The following GALNT17 variants were observed in gnomAD, a reference collection of about 807,000 sequenced individuals.
GALNT17 encodes the protein UDP-GalNAc:polypeptide N-acetylgalactosaminyltransferase-like 3.
GALNT17 carries 29 observed loss-of-function variants against 63.7 expected under a neutral mutation model. That is an observed-to-expected ratio of 0.46 (90% CI 0.34 to 0.62). GALNT17 has a LOEUF of 0.62. GALNT17 is among the 20% of genes least tolerant of loss of function. The pLI is 0.01. For synonymous variants in GALNT17, 305 were observed against 318.3 expected (o/e 0.96, Z 0.45); for missense variants, 603 against 799.6 (o/e 0.75, Z 2.97).
Position 71,712,543 on chromosome 7 carries a change from A to G in GALNT17, c.*397A>G, listed in dbSNP as rs1437153902. 1 of 164,918 alleles carries G rather than the reference A, an allele frequency of 6.1e-6. No homozygotes were observed. The highest frequency in any genetic ancestry group is 1.3e-5 in the Non-Finnish European group (1 of 76,898). 10.2% of individuals were successfully genotyped at this position (164,918 alleles called of 1,614,324 possible). A position where few individuals can be genotyped will look rare whatever the true frequency, so the allele number is the denominator to read the frequency against. On this transcript the variant is annotated 3_prime_UTR_variant, in exon 11 of 11. Coordinates refer to ENST00000333538, the MANE Select transcript of GALNT17 (RefSeq NM_022479.3). ...CAGCAGCAGCTGCTGAACTCCAGCC[A>G]TCAACACGGTGGGAGGCAGCGGGGG... is the stretch of plus-strand genomic sequence containing the variant.
At chr7:71,165,465 CAA>C (rs914689537) in intron 1 of GALNT17, among the ~76,000 whole-genome samples, 18 of 113,634 alleles carry the variant, frequency 1.6e-4, no homozygotes, top group Admixed American at 9.4e-4. Context: ...TGGCGACAGA[CAA>C]GAGAAGAGAG....
chr7:71,662,553 C>T (rs1313850506), intron 6 of GALNT17, among the ~76,000 whole-genome samples: 1 of 152,122 alleles, frequency 6.6e-6, no homozygotes, highest in Admixed American at 6.6e-5. Context: ...TACCTTCCTC[C>T]AGCCCCCTGC....
At chr7:71,137,743 C>G (rs933244196) in intron 1 of GALNT17, among the ~76,000 whole-genome samples, 4 of 152,148 alleles carry the variant, frequency 2.6e-5, no homozygotes, top group African/African-American at 4.8e-5. Context: ...CTTCGAGGCC[C>G]TCGGAAGTGA....
At chr7:71,438,529 A>G (rs1787008226) in intron 5 of GALNT17, among the ~76,000 whole-genome samples, 1 of 152,228 alleles carries the variant, frequency 6.6e-6, no homozygotes, top group Admixed American at 6.5e-5. Context: ...AGTATTAATC[A>G]TCACAGATGC....
At chr7:71,562,304 C>G (rs749350462) in intron 5 of GALNT17, among the ~76,000 whole-genome samples, 17 of 152,290 alleles carry the variant, frequency 1.1e-4, no homozygotes, top group African/African-American at 4.1e-4. Context: ...CTCTCCACCA[C>G]TGGAGCCTGC....
At chr7:71,552,573 T>C (rs950334761) in intron 5 of GALNT17, among the ~76,000 whole-genome samples, 1 of 151,682 alleles carries the variant, frequency 6.6e-6, no homozygotes, top group Admixed American at 6.6e-5. Flanking sequence ...CCCTCGTAGC[T>C]AGGACTACAG....
chr7:71,348,835 C>G (rs1486604609), intron 2 of GALNT17, among the ~76,000 whole-genome samples: 1 of 152,146 alleles, frequency 6.6e-6, no homozygotes, highest in Non-Finnish European at 1.5e-5. Context: ...ACTTAAACAA[C>G]CTTTGTGTTT....
chr7:71,589,054 G>C (rs1012870617), intron 6 of GALNT17, among the ~76,000 whole-genome samples: 1 of 152,142 alleles, frequency 6.6e-6, no homozygotes, highest in Non-Finnish European at 1.5e-5. Context: ...TGTTATTAGT[G>C]TGTGGAGGTA....
intron 5 of GALNT17, among the ~76,000 whole-genome samples, chr7:71,511,202 C>T (rs1788349674): frequency 6.6e-6 from 1 of 151,844 alleles, no homozygotes. Flanking sequence ...GAGAGATGGA[C>T]CCAGCTTAGC....
chr7:71,528,014 T>A (rs1788653479), intron 5 of GALNT17, among the ~76,000 whole-genome samples: 1 of 152,186 alleles, frequency 6.6e-6, no homozygotes, highest in African/African-American at 2.4e-5. Flanking sequence ...ACCCAAAGGG[T>A]CTTGGCAAGC....
At chr7:71,412,940 G>A (rs1583930272) in intron 3 of GALNT17, among the ~76,000 whole-genome samples, 1 of 152,188 alleles carries the variant, frequency 6.6e-6, no homozygotes, top group Non-Finnish European at 1.5e-5. Context: ...CTACTTGGGA[G>A]GCTGAGGCAG....
intron 6 of GALNT17, among the ~76,000 whole-genome samples, chr7:71,628,769 CATAAT>C (rs1285359805): frequency 6.6e-6 from 1 of 151,396 alleles, no homozygotes; most frequent in Non-Finnish European, 1.5e-5. Context: ...CGTCTCTACT[CATAAT>C]ATAAAAAATT....
intron 5 of GALNT17, among the ~76,000 whole-genome samples, chr7:71,466,367 A>G (rs911923092): frequency 1.3e-5 from 2 of 152,154 alleles, no homozygotes; most frequent in African/African-American, 4.8e-5. Context: ...AGATCATAAG[A>G]CTGACAAAAC....
intron 6 of GALNT17, among the ~76,000 whole-genome samples, chr7:71,625,040 C>T (rs533963727): frequency 1.1e-4 from 16 of 152,250 alleles, no homozygotes; most frequent in African/African-American, 3.9e-4. Context: ...CTGGTAGAGC[C>T]CTGAAAAGCT....
intron 6 of GALNT17, among the ~76,000 whole-genome samples, chr7:71,584,140 C>A (rs558928503): frequency 6.6e-6 from 1 of 151,964 alleles, no homozygotes. Context: ...TCAAAACAAA[C>A]AAACAAAAAA....
intron 5 of GALNT17, among the ~76,000 whole-genome samples, chr7:71,527,816 TACACACACAGTAC>T (rs964518658): frequency 4.3e-4 from 65 of 152,278 alleles, no homozygotes; most frequent in African/African-American, 1.5e-3. Flanking sequence ...ATACACACCA[TACACACACAGTAC>T]ACACACACTG....
At chr7:71,560,904 C>A (rs889259167) in intron 5 of GALNT17, among the ~76,000 whole-genome samples, 1 of 152,146 alleles carries the variant, frequency 6.6e-6, no homozygotes, top group Admixed American at 6.5e-5. Flanking sequence ...GTGATACAAC[C>A]AAAGAAGGGC....
At chr7:71,182,133 C>A (rs1163258809) in intron 1 of GALNT17, among the ~76,000 whole-genome samples, 1 of 152,092 alleles carries the variant, frequency 6.6e-6, no homozygotes, top group Non-Finnish European at 1.5e-5. Flanking sequence ...CAAGATAGCA[C>A]TATTGCACTC....
At chr7:71,586,777 ATAATT>A (rs560094940) in intron 6 of GALNT17, among the ~76,000 whole-genome samples, 3 of 152,054 alleles carry the variant, frequency 2.0e-5, no homozygotes, top group Non-Finnish European at 4.4e-5. Context: ...GGTACATGTG[ATAATT>A]TAATATGTTC....
Sources: allele counts gnomAD v4.1 joint callset (sites outside exome capture counted in the v4.1 genomes callset), GRCh38; gene constraint gnomAD v4.1.1; transcripts MANE v1.5; gene names NCBI Gene and HGNC (gene_info 2026-07-23, HGNC 2026-07-21).